Variants in FAM227A observed in about 807,000 individuals in gnomAD.
FAM227A encodes the protein protein FAM227A.
Under a neutral mutation model 74.7 loss-of-function variants are expected in FAM227A, and 80 were observed. The observed-to-expected ratio is 1.07, with a 90% confidence interval of 0.89 to 1.29. The LOEUF is 1.29. Ranked by LOEUF, FAM227A falls within the 50% of genes most tolerant of loss-of-function variation. FAM227A has a pLI of 0.00. For missense variants in FAM227A, 654 were observed against 683.4 expected (o/e 0.96, Z 0.48); for synonymous variants, 237 against 241.8 (o/e 0.98, Z 0.19).
At chr22:38,613,341 A>T (rs369139149) in intron 11 of FAM227A, among the ~76,000 whole-genome samples, 181 of 48,966 alleles carry the variant, frequency 3.7e-3, no homozygotes, top group East Asian at 0.014. Context: ...ATAATATATA[A>T]CATATATTAT....
chr22:38,587,885 A>G (rs763694087), intron 16 of FAM227A, among the ~76,000 whole-genome samples: 12 of 152,254 alleles, frequency 7.9e-5, no homozygotes, highest in Non-Finnish European at 1.8e-4. Flanking sequence ...GATTTATCCC[A>G]GGTAGTTCCC....
chr22:38,582,214 G>C lies in FAM227A; in HGVS notation c.*3911C>G. ...TTGGGCCTCTTTGTAACCCCTTCCA[G>C]CTTCCCTCCTATCCCCTCTCCAGCT... On this transcript the variant is annotated 3_prime_UTR_variant, in exon 17 of 17. Coordinates refer to ENST00000535113, the MANE Select transcript of FAM227A (RefSeq NM_001013647.2). 2 of 887,482 alleles carry C rather than the reference G, an allele frequency of 2.3e-6. No homozygotes were observed. Among genetic ancestry groups the C allele is most frequent in the South Asian group, 3.5e-5 (2 of 57,306 alleles). The allele number at this position is 887,482 out of a possible 1,614,324, so 55.0% of individuals were successfully genotyped here.
At chr22:38,613,186 A>T (rs1602947539) in intron 11 of FAM227A, among the ~76,000 whole-genome samples, 1 of 63,220 alleles carries the variant, frequency 1.6e-5, no homozygotes, top group South Asian at 4.0e-4. Context: ...ATTATATATA[A>T]TATATATATA....
intron 6 of FAM227A, among the ~76,000 whole-genome samples, chr22:38,634,916 T>C (rs991350667): frequency 1.3e-5 from 2 of 151,900 alleles, no homozygotes; most frequent in South Asian, 2.1e-4. Flanking sequence ...GGGACCGACA[T>C]AGCCCAGAGA....
chr22:38,645,816 C>T (rs774727118), intron 2 of FAM227A, among the ~76,000 whole-genome samples, 171 bp from the exon 3 acceptor site: 5 of 152,112 alleles, frequency 3.3e-5, no homozygotes, highest in South Asian at 2.1e-4. Flanking sequence ...GACAGGGCCA[C>T]GCTTTGTTGC....
chr22:38,650,440 T>C (rs1471668641), intron 1 of FAM227A, among the ~76,000 whole-genome samples, 178 bp from the exon 2 acceptor site: 2 of 152,150 alleles, frequency 1.3e-5, no homozygotes, highest in Admixed American at 6.5e-5. Flanking sequence ...TATGGACTTG[T>C]TCTTCCAATG....
At chr22:38,634,803 C>A (rs989435733) in intron 6 of FAM227A, among the ~76,000 whole-genome samples, 9 of 152,206 alleles carry the variant, frequency 5.9e-5, no homozygotes, top group African/African-American at 2.2e-4. Flanking sequence ...GCCCCTTCCA[C>A]TGACTGACTG....
At chr22:38,609,664 T>G (rs1230834850) in intron 11 of FAM227A, among the ~76,000 whole-genome samples, 1 of 152,174 alleles carries the variant, frequency 6.6e-6, no homozygotes, top group Non-Finnish European at 1.5e-5. Context: ...CCAGACATCG[T>G]GCAGCTGGCT....
chr22:38,607,312 C>T (rs754921647), intron 12 of FAM227A, 77 bp downstream of exon 12: 34 of 1,117,476 alleles, frequency 3.0e-5, no homozygotes, highest in South Asian at 5.7e-5. Context: ...TCTGTTCATA[C>T]GAACCCAAGA....
At chr22:38,616,952 C>G (rs2091590571) in intron 11 of FAM227A, among the ~76,000 whole-genome samples, 1 of 151,986 alleles carries the variant, frequency 6.6e-6, no homozygotes, top group South Asian at 2.1e-4. Context: ...GGCAGGCTGT[C>G]TTGGTGGTGG....
rs1569206642 is a variant in FAM227A, at chr22:38,613,103, A to T, written c.1039-5627T>A. On this transcript the variant is annotated intron_variant, in intron 11 of 16. Coordinates refer to ENST00000535113, the MANE Select transcript of FAM227A (RefSeq NM_001013647.2). The stretch of plus-strand genomic sequence containing the variant: ...ATAATTATATATATATATTATATAT[A>T]ATTATATATATATTATATATAATTA... 1.1e-4 allele frequency among the ~76,000 whole-genome samples: 10 copies of T among 92,978 alleles called. No individual in the cohort carries two copies. The Admixed American group carries it at 2.1e-3, about 20-fold the overall frequency. The allele number at this position is 92,978 out of a possible 152,430, so 61.0% of individuals were successfully genotyped here.
At chr22:38,627,040 T>A (rs1015708729) in intron 8 of FAM227A, among the ~76,000 whole-genome samples, 4 of 149,602 alleles carry the variant, frequency 2.7e-5, no homozygotes, top group Non-Finnish European at 4.4e-5. Flanking sequence ...GAGGCTACAG[T>A]GAGTTATGAT....
Position 38,611,096 on chromosome 22 carries a change from C to T in FAM227A, c.1039-3620G>A, listed in dbSNP as rs116474853. ...AAAAAAATCTTTCCTATCCATTCCCCGATGTTGTGACCAGCCACCACCCCA... is the reference window on the plus strand; with the variant it reads ...AAAAAAATCTTTCCTATCCATTCCCTGATGTTGTGACCAGCCACCACCCCA... On this transcript the variant is annotated intron_variant, in intron 11 of 16. Transcript: ENST00000535113. Among the ~76,000 whole-genome samples the T allele has an allele frequency of 3.0e-3, 451 of 152,218 alleles. 2 individuals carry two copies. Among genetic ancestry groups the T allele is most frequent in the African/African-American group, 0.01 (422 of 41,518 alleles).
chr22:38,600,666 AT>A (rs1286973137), intron 13 of FAM227A, among the ~76,000 whole-genome samples: 1 of 152,104 alleles, frequency 6.6e-6, no homozygotes, highest in Non-Finnish European at 1.5e-5. Context: ...ATAGAAAATA[AT>A]TTAGTAAAAG....
intron 13 of FAM227A, among the ~76,000 whole-genome samples, chr22:38,603,153 T>C (rs1013378825): frequency 1.6e-4 from 24 of 152,290 alleles, no homozygotes; most frequent in African/African-American, 5.5e-4. Flanking sequence ...GGATTACAGG[T>C]GTGAGCCACC....
At chr22:38,632,597 C>T (rs1006390714) in intron 6 of FAM227A, among the ~76,000 whole-genome samples, 2 of 152,152 alleles carry the variant, frequency 1.3e-5, no homozygotes, top group South Asian at 2.1e-4. Context: ...GAGACTAAGA[C>T]AATGACCAAG....
At position 38,645,690 on chromosome 22, in the gene FAM227A, A is replaced by G. The variant is rs752979623; in HGVS notation, c.143-45T>C. 3.2e-6 allele frequency: 4 copies of G among 1,256,284 alleles called. No homozygotes were observed. The African/African-American group carries it at 6.0e-5, about 19-fold the overall frequency. 77.8% of individuals were successfully genotyped at this position (1,256,284 alleles called of 1,614,324 possible). A position where few individuals can be genotyped will look rare whatever the true frequency, so the allele number is the denominator to read the frequency against. On this transcript the variant is annotated intron_variant, in intron 2 of 16. Transcript: ENST00000535113. ...AGGAAACTCAGGGTGATGATTACAC[A>G]CACAACAGGATGGGGCTTGTCTGGT... is the stretch of plus-strand genomic sequence containing the variant.
intron 9 of FAM227A, among the ~76,000 whole-genome samples, chr22:38,625,816 T>C (rs1602998102): frequency 2.3e-5 from 3 of 130,446 alleles, no homozygotes; most frequent in African/African-American, 9.3e-5. Context: ...TGGTGGTACA[T>C]GCCTGTAATC....
intron 4 of FAM227A, among the ~76,000 whole-genome samples, 194 bp downstream of exon 4, chr22:38,639,461 A>G (rs1381297810): frequency 6.6e-6 from 1 of 151,146 alleles, no homozygotes; most frequent in Non-Finnish European, 1.5e-5. Context: ...CTGGTGCCAC[A>G]TGTAGGTGGT....
Sources: gnomAD v4.1 joint callset for allele counts (sites outside exome capture counted in the v4.1 genomes callset) on GRCh38, gnomAD v4.1.1 for gene constraint, MANE v1.5 for transcripts, NCBI Gene and HGNC (gene_info 2026-07-23, HGNC 2026-07-21) for gene names.